XKR4: variants seen among roughly 807,000 people sequenced by gnomAD.
XKR4 encodes XK-related protein 4.
In XKR4, 12 loss-of-function variants were observed where a neutral mutation model predicts 53.9. The ratio of observed to expected loss-of-function variants is 0.22; its 90% CI spans 0.14 to 0.36. The LOEUF is 0.36. Among genes scored for constraint, XKR4 ranks in the 10% least tolerant of loss-of-function variants. XKR4 has a pLI of 1.00. For synonymous variants in XKR4, 354 were observed against 362.4 expected (o/e 0.98, Z 0.26); for missense variants, 799 against 859.5 (o/e 0.93, Z 0.88).
chr8:55,107,159 A>G (rs1816161969), intron 1 of XKR4, among the ~76,000 whole-genome samples: 1 of 152,128 alleles, frequency 6.6e-6, no homozygotes, highest in South Asian at 2.1e-4. Context: ...GTTTTTTTCT[A>G]CTTTTTATGT....
intron 1 of XKR4, among the ~76,000 whole-genome samples, chr8:55,157,674 C>T (rs1816927015): frequency 6.6e-6 from 1 of 152,108 alleles, no homozygotes; most frequent in South Asian, 2.1e-4. Context: ...ACCCTCTTCC[C>T]ACCCTGCACC....
intron 2 of XKR4, among the ~76,000 whole-genome samples, chr8:55,388,455 T>A (rs1423466042): frequency 6.7e-6 from 1 of 149,872 alleles, no homozygotes; most frequent in African/African-American, 2.5e-5. Context: ...AAATTTATTT[T>A]TCACAGTTCC....
chr8:55,119,363 G>A lies in XKR4; in HGVS notation c.806+16069G>A, dbSNP rs151069073. On this transcript the variant is annotated intron_variant, in intron 1 of 2. Coordinates refer to ENST00000327381, the MANE Select transcript of XKR4 (RefSeq NM_052898.2). Reference sequence around the variant, plus strand: ...GAAGTCCCTCCCAGAAGGGACTCCTGCTGGGAAGGTTTCACAGAGGTAGGA... The same window carrying A: ...GAAGTCCCTCCCAGAAGGGACTCCTACTGGGAAGGTTTCACAGAGGTAGGA... Among the ~76,000 whole-genome samples the A allele has an allele frequency of 1.6e-3, 236 of 152,228 alleles. 1 individual carries two copies. Among genetic ancestry groups the A allele is most frequent in the African/African-American group, 5.5e-3 (230 of 41,534 alleles).
chr8:55,230,508 A>C (rs1412000938), intron 1 of XKR4, among the ~76,000 whole-genome samples: 2 of 151,994 alleles, frequency 1.3e-5, no homozygotes, highest in African/African-American at 4.8e-5. Flanking sequence ...AGCTGGGACT[A>C]TGGCATGTGC....
chr8:55,204,597 G>T (rs779589709), intron 1 of XKR4, among the ~76,000 whole-genome samples: 7 of 152,006 alleles, frequency 4.6e-5, no homozygotes, highest in Non-Finnish European at 7.4e-5. Context: ...CTACACAAGA[G>T]GTCGTCAATA....
At chr8:55,171,751 C>A (rs1471706902) in intron 1 of XKR4, among the ~76,000 whole-genome samples, 5 of 152,132 alleles carry the variant, frequency 3.3e-5, no homozygotes, top group Non-Finnish European at 7.3e-5. Context: ...CTCCCCTTCG[C>A]CTGACAGCCT....
At chr8:55,213,848 C>CTTTTTTTTT (rs1817762385) in intron 1 of XKR4, among the ~76,000 whole-genome samples, 1 of 92,820 alleles carries the variant, frequency 1.1e-5, no homozygotes, top group Non-Finnish European at 2.3e-5. Context: ...TTCTTTTTTT[C>CTTTTTTTTT]TTTCTTTCTT....
At chr8:55,332,050 T>A (rs1186595004) in intron 1 of XKR4, among the ~76,000 whole-genome samples, 1 of 152,132 alleles carries the variant, frequency 6.6e-6, no homozygotes, top group East Asian at 1.9e-4. Flanking sequence ...TAGTATTTAG[T>A]TGATTTTTTG....
intron 2 of XKR4, among the ~76,000 whole-genome samples, chr8:55,434,251 T>A (rs955377960): frequency 6.6e-6 from 1 of 152,202 alleles, no homozygotes; most frequent in African/African-American, 2.4e-5. Context: ...TGTAACCTAA[T>A]TGAATTAGCT....
intron 2 of XKR4, among the ~76,000 whole-genome samples, chr8:55,486,685 G>A (rs557042541): frequency 6.6e-6 from 1 of 152,236 alleles, no homozygotes; most frequent in Non-Finnish European, 1.5e-5. Context: ...TATTTGGATA[G>A]TGGTTGGGGC....
At chr8:55,464,664 G>C (rs906054782) in intron 2 of XKR4, among the ~76,000 whole-genome samples, 3 of 152,062 alleles carry the variant, frequency 2.0e-5, no homozygotes, top group African/African-American at 7.3e-5. Flanking sequence ...GGAAATAAAG[G>C]GTATTCAATT....
intron 2 of XKR4, among the ~76,000 whole-genome samples, chr8:55,466,979 C>A (rs921385569): frequency 9.9e-5 from 15 of 152,138 alleles, no homozygotes; most frequent in Admixed American, 6.5e-5. Flanking sequence ...TGTTTGTGAC[C>A]TCACAGTTTC....
chr8:55,289,566 AAG>A (rs1563316329), intron 1 of XKR4, among the ~76,000 whole-genome samples: 10 of 113,664 alleles, frequency 8.8e-5, no homozygotes, highest in South Asian at 3.3e-4. Context: ...GGAAGGAAGG[AAG>A]GAGAGAGAAA....
chr8:55,440,739 A>G (rs1400834402), intron 2 of XKR4, among the ~76,000 whole-genome samples: 3 of 152,226 alleles, frequency 2.0e-5, no homozygotes, highest in Non-Finnish European at 2.9e-5. Flanking sequence ...GAAAATAACA[A>G]TGATTGTAAA....
chr8:55,446,588 A>G (rs1805351563), intron 2 of XKR4, among the ~76,000 whole-genome samples: 1 of 152,114 alleles, frequency 6.6e-6, no homozygotes, highest in Admixed American at 6.6e-5. Flanking sequence ...AGCTCAGGAG[A>G]TCTGCCCACC....
At chr8:55,299,652 T>A (rs1363893332) in intron 1 of XKR4, among the ~76,000 whole-genome samples, 1 of 151,530 alleles carries the variant, frequency 6.6e-6, no homozygotes, top group Non-Finnish European at 1.5e-5. Context: ...TTGGGATAAA[T>A]GTTGTAGAAA....
chr8:55,341,308 G>A (rs1056232874), intron 1 of XKR4, among the ~76,000 whole-genome samples: 1 of 152,122 alleles, frequency 6.6e-6, no homozygotes, highest in Non-Finnish European at 1.5e-5. Context: ...CCTGGCAGGT[G>A]GGCAGCAGGG....
At chr8:55,339,912 A>G (rs963664831) in intron 1 of XKR4, among the ~76,000 whole-genome samples, 1 of 152,204 alleles carries the variant, frequency 6.6e-6, no homozygotes, top group Non-Finnish European at 1.5e-5. Context: ...TAAAGCATGA[A>G]ATCGGTTGGA....
intron 1 of XKR4, among the ~76,000 whole-genome samples, chr8:55,120,875 C>T (rs1816381588): frequency 6.6e-6 from 1 of 152,164 alleles, no homozygotes; most frequent in Non-Finnish European, 1.5e-5. Flanking sequence ...ATTCACCTTC[C>T]CTCCATCCCC....
Sources: gnomAD v4.1 joint callset for allele counts (sites outside exome capture counted in the v4.1 genomes callset) on GRCh38, gnomAD v4.1.1 for gene constraint, MANE v1.5 for transcripts, NCBI Gene and HGNC (gene_info 2026-07-23, HGNC 2026-07-21) for gene names.